EIF2AK1: variants seen among roughly 807,000 people sequenced by gnomAD.
EIF2AK1 encodes eukaryotic translation initiation factor 2-alpha kinase 1.
A neutral mutation model predicts 77.9 loss-of-function variants in EIF2AK1; 54 were observed. That is an observed-to-expected ratio of 0.69 (90% CI 0.56 to 0.87). The LOEUF (loss-of-function observed/expected upper bound fraction) is 0.87, where lower values mean the gene tolerates loss of function less well. EIF2AK1 is among the 40% of genes least tolerant of loss of function. The probability of loss-of-function intolerance (pLI) is 0.00; values close to 1 mark genes in which losing one functional copy is unlikely to be tolerated. For missense variants in EIF2AK1, 810 were observed against 768.6 expected (o/e 1.05, Z -0.64); for synonymous variants, 314 against 290.5 (o/e 1.08, Z -0.82).
chr7:6,037,525 C>A lies in EIF2AK1; in HGVS notation c.1232-1G>T. ...GCAACATTGGCCATAACATAAGGAC[C>A]TTGAAGTAAAAAAAAATAGTTTTAT... On this transcript the variant is annotated splice_acceptor_variant, in intron 10 of 14. Transcript: ENST00000199389. LOFTEE classifies it high-confidence loss of function. 2 of 1,584,186 alleles carry A rather than the reference C, an allele frequency of 1.3e-6. No individual in the cohort carries two copies. The highest frequency in any genetic ancestry group is 1.7e-6 in the Non-Finnish European group (2 of 1,160,700).
chr7:6,038,271 T>C (rs540571848), intron 10 of EIF2AK1, among the ~76,000 whole-genome samples: 5 of 151,784 alleles, frequency 3.3e-5, no homozygotes, highest in Non-Finnish European at 4.4e-5. Context: ...CTCTACAAAA[T>C]TTTGTTTTTC....
Position 6,035,543 on chromosome 7 carries a change from G to C in EIF2AK1, c.1332+1881C>G, listed in dbSNP as rs1336660240. The C allele has an allele frequency of 5.5e-5, 86 of 1,551,064 alleles. No homozygotes were observed. Among genetic ancestry groups the C allele is most frequent in the Non-Finnish European group, 7.0e-5 (80 of 1,147,144 alleles). ...CAGGCAACAGAACGCACAGGATCCT[G>C]ACAGACATTCAGAATAGCAGCATCA... On this transcript the variant is annotated intron_variant, in intron 11 of 14. Transcript: ENST00000199389. This position sits in a 1 kb window ranked among gnomAD's most constrained non-coding sequence, Gnocchi z 5.5.
rs1007954194 is a variant in EIF2AK1 at position 6,028,662 on chromosome 7, G to C, written c.1483C>G (p.Leu495Val). Residue 495 changes from leucine (L) to valine (V), a missense_variant, in exon 13 of 15, where the codon CTG becomes GTG. Transcript: ENST00000199389. Reference sequence around the variant, plus strand: ...TCCAACTGTTCGGGTGAAGCGTACAGACAAGTACCCACTCTGGACGTATGT... The same window carrying C: ...TCCAACTGTTCGGGTGAAGCGTACACACAAGTACCCACTCTGGACGTATGT... Reference protein sequence around the residue: ...PTHTSRVGTCLYASPEQLEGS... With the variant: ...PTHTSRVGTCVYASPEQLEGS... 6.2e-7 allele frequency: 1 copy of C among 1,614,232 alleles called. No individual in the cohort carries two copies. The highest frequency in any genetic ancestry group is 1.1e-5 in the South Asian group (1 of 91,088).
rs989652821 is a variant in EIF2AK1, at chr7:6,039,241, G to C, written c.1120-570C>G. 3.9e-5 allele frequency among the ~76,000 whole-genome samples: 6 copies of C among 152,062 alleles called. No individual in the cohort carries two copies. The East Asian group carries it at 1.2e-3, about 29-fold the overall frequency. ...GAAAATTTTCCAAATAAAATACAGA[G>C]AAATGAAATGATTCTGATTAAAAGT... is the stretch of plus-strand genomic sequence containing the variant. On this transcript the variant is annotated intron_variant, in intron 9 of 14. Transcript: ENST00000199389.
In EIF2AK1 at chr7:6,022,847, T is replaced by A. The variant is rs1787530257; in HGVS notation, c.*1826A>T. 1 of 161,662 alleles carries A rather than the reference T, an allele frequency of 6.2e-6. No individual in the cohort carries two copies. The highest frequency in any genetic ancestry group is 1.4e-5 in the Non-Finnish European group (1 of 73,596). 10.0% of individuals were successfully genotyped at this position (161,662 alleles called of 1,614,324 possible). On this transcript the variant is annotated 3_prime_UTR_variant, in exon 15 of 15. Transcript: ENST00000199389. ...CCATATAAAGATAGGATGTTATGTA[T>A]TGACTATCCCACAGATGTATGCCTC...
intron 2 of EIF2AK1, among the ~76,000 whole-genome samples, chr7:6,051,183 C>T (rs1788598563): frequency 6.6e-6 from 1 of 152,092 alleles, no homozygotes. Flanking sequence ...AAATATCAAG[C>T]TCCTTAGAAA....
intron 8 of EIF2AK1, 123 bp downstream of exon 8, chr7:6,042,810 G>A: frequency 1.4e-6 from 1 of 732,770 alleles, no homozygotes; most frequent in Non-Finnish European, 2.3e-6. Context: ...AGGTTGCAGT[G>A]AGCCAAGATT....
At chr7:6,034,667 C>T (rs1054967279) in intron 11 of EIF2AK1, among the ~76,000 whole-genome samples, 4 of 152,184 alleles carry the variant, frequency 2.6e-5, no homozygotes, top group Non-Finnish European at 4.4e-5. Flanking sequence ...TAGGGCCTCA[C>T]GCTAAACAAA....
At position 6,023,898 on chromosome 7, in the gene EIF2AK1, C is replaced by T; in HGVS notation, c.*775G>A. 1 of 1,506,524 alleles carries T rather than the reference C, an allele frequency of 6.6e-7. No individual in the cohort carries two copies. The highest frequency in any genetic ancestry group is 8.9e-7 in the Non-Finnish European group (1 of 1,125,406). The allele number at this position is 1,506,524 out of a possible 1,614,324, so 93.3% of individuals were successfully genotyped here. On this transcript the variant is annotated 3_prime_UTR_variant, in exon 15 of 15. Transcript: ENST00000199389. The stretch of plus-strand genomic sequence containing the variant: ...CCATCTACCGTGATGACTGCCAACT[C>T]CATGGCAGACCCTTTCTGGGATTCA...
In EIF2AK1 at chr7:6,049,967, T is replaced by G; in HGVS notation, c.356A>C (p.His119Pro). ...CSDEFSSLRLHHNRAITHLMR... is the reference protein window; with the variant it reads ...CSDEFSSLRLPHNRAITHLMR... ...TAAGTGAGTAATAGCTCTGTTGTGA[T>G]GTAGTCTCAATGAGCTAAACTCGTC... The change falls in exon 3 of 15, where the codon CAT becomes CCT. Residue 119 changes from histidine to proline, a missense_variant. Around this residue, in one of 3 missense-constraint regions of EIF2AK1, gnomAD observed 246 missense variants for 199.0 expected, o/e 1.24. Transcript: ENST00000199389. 12 of 1,613,564 alleles carry G rather than the reference T, an allele frequency of 7.4e-6. No homozygotes were observed. Among genetic ancestry groups the G allele is most frequent in the Non-Finnish European group, 1.0e-5 (12 of 1,179,796 alleles).
At position 6,045,276 on chromosome 7, in the gene EIF2AK1, TTG is replaced by T. The variant is rs1036652244; in HGVS notation, c.631-617_631-616del. ...ATGCACTACCACACCCAGCTAATTT[TTG>T]TGTTTTTAGTAGAGACAGGGTTGTG... On this transcript the variant is annotated intron_variant, in intron 6 of 14. Transcript: ENST00000199389. Among the ~76,000 whole-genome samples the T allele has an allele frequency of 4.5e-4, 69 of 152,090 alleles. 1 individual carries two copies. Among genetic ancestry groups the T allele is most frequent in the African/African-American group, 1.6e-3 (65 of 41,506 alleles).
In EIF2AK1 at chr7:6,059,051, G is replaced by T; in HGVS notation, c.33C>A (p.Arg11=). The T allele has an allele frequency of 2.0e-5, 30 of 1,498,430 alleles. No homozygotes were observed. Among genetic ancestry groups the T allele is most frequent in the Non-Finnish European group, 2.7e-5 (30 of 1,129,536 alleles). The allele number at this position is 1,498,430 out of a possible 1,614,324, so 92.8% of individuals were successfully genotyped here. ...CCCCAGCCCCGTCGCCCTCCTCTTC[G>T]CGCTTGCGGACCCCGGAGTTGCCCC... The part of the protein sequence containing the change: MQGGNSGVRK[R]EEEGDGAGAV... The change falls in exon 1 of 15, where the codon CGC becomes CGA. Residue 11 remains arginine, a synonymous_variant. Coordinates refer to ENST00000199389, the MANE Select transcript of EIF2AK1 (RefSeq NM_014413.4).
At position 6,024,707 on chromosome 7, in the gene EIF2AK1, A is replaced by ACC; in HGVS notation, c.1857_1858dup (p.Val620GlyfsTer2). 1 of 1,611,368 alleles carries ACC rather than the reference A, an allele frequency of 6.2e-7. No individual in the cohort carries two copies. The highest frequency in any genetic ancestry group is 8.5e-7 in the Non-Finnish European group (1 of 1,179,330). On this transcript the variant is annotated frameshift_variant, in exon 15 of 15. Transcript: ENST00000199389. LOFTEE classifies it low-confidence loss of function (END_TRUNC). ...GCCCCCATCCTTTCCGTCATCCCTCACCCCTTTGTCTTGAGAAAGGAGGTT... is the reference window on the plus strand; with the variant it reads ...GCCCCCATCCTTTCCGTCATCCCTCACCCCCCTTTGTCTTGAGAAAGGAGGTT...
chr7:6,053,837 T>C (rs1450375839), intron 2 of EIF2AK1, among the ~76,000 whole-genome samples: 1 of 83,666 alleles, frequency 1.2e-5, no homozygotes, highest in Non-Finnish European at 2.5e-5. Context: ...CTGGGTAGTT[T>C]TGCATTTTTT....
Position 6,023,757 on chromosome 7 carries a change from T to C in EIF2AK1, c.*916A>G. ...GGTGCTCTTTCATGCCTATTATCAGTAAGGGGACTTGTATTAGAGTCAGAG... is the reference window on the plus strand; with the variant it reads ...GGTGCTCTTTCATGCCTATTATCAGCAAGGGGACTTGTATTAGAGTCAGAG... On this transcript the variant is annotated 3_prime_UTR_variant, in exon 15 of 15. Transcript: ENST00000199389. 1 of 1,611,314 alleles carries C rather than the reference T, an allele frequency of 6.2e-7. No individual in the cohort carries two copies. The highest frequency in any genetic ancestry group is 8.5e-7 in the Non-Finnish European group (1 of 1,178,328).
In EIF2AK1 at chr7:6,033,018, G is replaced by A; in HGVS notation, c.1333-3986C>T. 1.6e-6 allele frequency: 2 copies of A among 1,224,308 alleles called. No individual in the cohort carries two copies. Among genetic ancestry groups the A allele is most frequent in the African/African-American group, 3.0e-5 (2 of 66,072 alleles). The allele number at this position is 1,224,308 out of a possible 1,614,324, so 75.8% of individuals were successfully genotyped here. On this transcript the variant is annotated intron_variant, in intron 11 of 14. Transcript: ENST00000199389. The surrounding 1 kb of genome is among the most constrained non-coding windows in gnomAD (Gnocchi z 4.4). ...GGGTCTCGCTCTGTTGCCCAGGCTGGAGTGCAATGGCACAATCTCGCCTCA... is the reference window on the plus strand; with the variant it reads ...GGGTCTCGCTCTGTTGCCCAGGCTGAAGTGCAATGGCACAATCTCGCCTCA...
At chr7:6,026,627 C>A in intron 14 of EIF2AK1, 101 bp downstream of exon 14, 1 of 911,986 alleles carries the variant, frequency 1.1e-6, no homozygotes, top group East Asian at 2.5e-5. Flanking sequence ...TCTGGCTCTT[C>A]CAGCCCCAGC....
Position 6,047,106 on chromosome 7 carries a change from C to T in EIF2AK1, c.450-15G>A, listed in dbSNP as rs376964054. ...CTTCCCTTGATCTGAAAGTTAAATA[C>T]AAACAATCAATATTAAAACATGAGA... On this transcript the variant is annotated splice_polypyrimidine_tract_variant and intron_variant, in intron 4 of 14. Transcript: ENST00000199389. 20 of 1,598,590 alleles carry T rather than the reference C, an allele frequency of 1.3e-5. No individual in the cohort carries two copies. The Admixed American group carries it at 1.3e-4, about 11-fold the overall frequency.
chr7:6,045,625 C>T (rs1360915152), intron 6 of EIF2AK1, among the ~76,000 whole-genome samples: 2 of 151,806 alleles, frequency 1.3e-5, no homozygotes, highest in East Asian at 1.9e-4. Flanking sequence ...TCCAGAACCA[C>T]ACAGCATGTC....
Sources: gnomAD v4.1 joint callset for allele counts (sites outside exome capture counted in the v4.1 genomes callset) on GRCh38, gnomAD v4.1.1 for gene constraint, gnomAD v4.1.1 regional missense constraint, Gnocchi (gnomAD v3.1) non-coding constraint, MANE v1.5 for transcripts, NCBI Gene and HGNC (gene_info 2026-07-23, HGNC 2026-07-21) for gene names.